The following CTNNA2 variants were observed in gnomAD, a reference collection of about 807,000 sequenced individuals.
The protein encoded by CTNNA2 is catenin alpha-2.
Under a neutral mutation model 101.0 loss-of-function variants are expected in CTNNA2, and 42 were observed. That is an observed-to-expected ratio of 0.42 (90% CI 0.32 to 0.54). The LOEUF (loss-of-function observed/expected upper bound fraction) is 0.54. Among genes scored for constraint, CTNNA2 ranks in the 20% least tolerant of loss-of-function variants. CTNNA2 has a pLI of 0.14. For missense variants in CTNNA2, 871 were observed against 1,223.1 expected (o/e 0.71, Z 4.29); for synonymous variants, 450 against 456.4 (o/e 0.99, Z 0.18).
chr2:80,559,014 C>T (rs1693311562), intron 12 of CTNNA2, among the ~76,000 whole-genome samples: 1 of 152,120 alleles, frequency 6.6e-6, no homozygotes, highest in South Asian at 2.1e-4. Flanking sequence ...CATCCCTGGA[C>T]TCCACCTGCT....
chr2:79,187,235 T>TTTTTCTTTTCTTTTC (rs772642908), intron 1 of CTNNA2, among the ~76,000 whole-genome samples: 5 of 123,412 alleles, frequency 4.1e-5, no homozygotes, highest in African/African-American at 1.8e-4. Context: ...AAGACACTTC[T>TTTTTCTTTTCTTTTC]TTTTCTTTTC....
At chr2:79,701,896 T>G (rs1685026002) in intron 2 of CTNNA2, among the ~76,000 whole-genome samples, 1 of 149,452 alleles carries the variant, frequency 6.7e-6, no homozygotes, top group Non-Finnish European at 1.5e-5. Context: ...CAGCTACTTA[T>G]GAGGCTAAGG....
chr2:80,116,902 A>AGTGTGTGTGTGTGTGTGT (rs112383959), intron 7 of CTNNA2, among the ~76,000 whole-genome samples: 2,170 of 143,546 alleles, frequency 0.015, 23 homozygotes, highest in Non-Finnish European at 0.018. Flanking sequence ...AGAAGAAAAT[A>AGTGTGTGTGTGTGTGTGT]GTGTGTGTGT....
chr2:79,618,051 C>T (rs1015100215), intron 1 of CTNNA2, among the ~76,000 whole-genome samples: 2 of 152,096 alleles, frequency 1.3e-5, no homozygotes, highest in African/African-American at 2.4e-5. Context: ...CCCATCCCCA[C>T]CACCAACACA....
At chr2:80,122,100 A>C (rs188160805) in intron 7 of CTNNA2, among the ~76,000 whole-genome samples, 19 of 152,256 alleles carry the variant, frequency 1.2e-4, no homozygotes, top group African/African-American at 4.6e-4. Flanking sequence ...TGATAAATTC[A>C]CAGATGGCTC....
At chr2:80,484,458 G>C (rs1247898968) in intron 9 of CTNNA2, among the ~76,000 whole-genome samples, 4 of 152,098 alleles carry the variant, frequency 2.6e-5, no homozygotes, top group African/African-American at 9.7e-5. Context: ...CTCATTGGCT[G>C]TTCGGCGAAA....
intron 1 of CTNNA2, among the ~76,000 whole-genome samples, chr2:79,522,586 G>T (rs1315992673): frequency 6.6e-6 from 1 of 152,186 alleles, no homozygotes; most frequent in Admixed American, 6.5e-5. Flanking sequence ...TATGGAGGAG[G>T]GGGTGACCTT....
chr2:79,749,833 A>G (rs1671890862), intron 3 of CTNNA2, among the ~76,000 whole-genome samples: 1 of 152,228 alleles, frequency 6.6e-6, no homozygotes, highest in Non-Finnish European at 1.5e-5. Context: ...AAAAAACGCT[A>G]AATGTTCTAT....
intron 4 of CTNNA2, among the ~76,000 whole-genome samples, chr2:79,480,877 A>C (rs1220457587): frequency 6.6e-6 from 1 of 152,066 alleles, no homozygotes; most frequent in Non-Finnish European, 1.5e-5. Context: ...GGGATATTAG[A>C]ACTCACTGTC....
chr2:80,265,321 A>T (rs534984928), intron 7 of CTNNA2, among the ~76,000 whole-genome samples: 2 of 152,268 alleles, frequency 1.3e-5, no homozygotes, highest in Admixed American at 1.3e-4. Context: ...TATTTGTGAA[A>T]CGTTTTTTGA....
At chr2:80,576,206 C>A (rs146567382) in intron 13 of CTNNA2, 1 of 152,160 alleles carries the variant, frequency 6.6e-6, no homozygotes, top group East Asian at 1.9e-4. Flanking sequence ...ATCATCTTGT[C>A]TCTTGGCAGT....
intron 11 of CTNNA2, among the ~76,000 whole-genome samples, chr2:80,549,838 G>A (rs573742334): frequency 1.3e-5 from 2 of 152,272 alleles, no homozygotes; most frequent in African/African-American, 4.8e-5. Context: ...GAATGCAAAT[G>A]TGAATGAAGT....
intron 7 of CTNNA2, among the ~76,000 whole-genome samples, chr2:80,283,883 G>A (rs758596184): frequency 2.6e-5 from 4 of 152,080 alleles, no homozygotes; most frequent in Non-Finnish European, 5.9e-5. Flanking sequence ...GGGGATAGGA[G>A]GAGAGGGAGA....
At chr2:79,619,296 AAAG>A (rs1678847374) in intron 1 of CTNNA2, among the ~76,000 whole-genome samples, 1 of 152,186 alleles carries the variant, frequency 6.6e-6, no homozygotes, top group African/African-American at 2.4e-5. Context: ...AAAGACTAAG[AAAG>A]AAGAAGGGCA....
At chr2:80,244,746 G>A (rs1315751439) in intron 7 of CTNNA2, among the ~76,000 whole-genome samples, 3 of 152,120 alleles carry the variant, frequency 2.0e-5, no homozygotes, top group African/African-American at 7.2e-5. Context: ...ATATAACCAG[G>A]CAGTATCTTA....
intron 2 of CTNNA2, among the ~76,000 whole-genome samples, chr2:79,249,548 T>C (rs17016645): frequency 0.035 from 5,402 of 152,282 alleles, 268 homozygotes; most frequent in African/African-American, 0.11. Context: ...AACTCCTGAA[T>C]GTATCCTAAG....
chr2:80,626,820 C>A (rs1175023306), intron 18 of CTNNA2, among the ~76,000 whole-genome samples: 1 of 151,902 alleles, frequency 6.6e-6, no homozygotes, highest in East Asian at 1.9e-4. Flanking sequence ...ACCCATCAAC[C>A]TGTCATCTAC....
intron 17 of CTNNA2, among the ~76,000 whole-genome samples, chr2:80,614,756 G>C (rs142615711): frequency 8.6e-5 from 13 of 151,358 alleles, no homozygotes; most frequent in Non-Finnish European, 1.0e-4. Flanking sequence ...CCTCTCCCCA[G>C]TTTTGAACCA....
chr2:79,473,081 C>A (rs560060716), intron 4 of CTNNA2, among the ~76,000 whole-genome samples: 1 of 152,250 alleles, frequency 6.6e-6, no homozygotes, highest in African/African-American at 2.4e-5. Context: ...CATGTCTTTG[C>A]CAACATTCTG....
Sources: allele counts gnomAD v4.1 joint callset (sites outside exome capture counted in the v4.1 genomes callset), GRCh38; gene constraint gnomAD v4.1.1; transcripts MANE v1.5; gene names NCBI Gene and HGNC (gene_info 2026-07-23, HGNC 2026-07-21).